ENTPD8: variants seen among roughly 807,000 people sequenced by gnomAD.
ENTPD8 encodes E-NTPDase 8.
In ENTPD8, 35 loss-of-function variants were observed where a neutral mutation model predicts 47.0. The observed-to-expected ratio is 0.75, with a 90% CI of 0.57 to 0.99. The LOEUF (loss-of-function observed/expected upper bound fraction) is 0.99. Among genes scored for constraint, ENTPD8 ranks in the 50% least tolerant of loss-of-function variants. The pLI is 0.00. For synonymous variants in ENTPD8, 308 were observed against 290.5 expected (o/e 1.06, Z -0.61); for missense variants, 668 against 649.9 (o/e 1.03, Z -0.30).
chr9:137,438,308 GT>G lies in ENTPD8; in HGVS notation c.-20-4del, dbSNP rs1160708995. On this transcript the variant is annotated splice_region_variant and splice_polypyrimidine_tract_variant and intron_variant, in intron 1 of 9. Transcript: ENST00000371506. The surrounding 1 kb of genome is among the most constrained non-coding windows in gnomAD (Gnocchi z 5.7). ...CATGGTGCAGGTGGTACTGGTTCCT[GT>G]GGGGGGACGGCCGTGGGCACCCAGG... 3 of 1,529,654 alleles carry G rather than the reference GT, an allele frequency of 2.0e-6. No homozygotes were observed. The highest frequency in any genetic ancestry group is 2.3e-5 in the East Asian group (1 of 42,840). The allele number at this position is 1,529,654 out of a possible 1,614,324, so 94.8% of individuals were successfully genotyped here.
chr9:137,438,270 TCCGGGA>T lies in ENTPD8; in HGVS notation c.10_15del (p.Ser4_Arg5del). The T allele has an allele frequency of 6.3e-7, 1 of 1,589,240 alleles. No homozygotes were observed. The highest frequency in any genetic ancestry group is 8.6e-7 in the Non-Finnish European group (1 of 1,168,118). Reference sequence around the variant, plus strand: ...AGCAGGGCCAAGAAGACCTGCTCCTTCCGGGACAGCCCCATGGTGCAGGTGGTACTG... The same window carrying T: ...AGCAGGGCCAAGAAGACCTGCTCCTTCAGCCCCATGGTGCAGGTGGTACTG... On this transcript the variant is annotated inframe_deletion, in exon 2 of 10. Coordinates refer to ENST00000371506, the MANE Select transcript of ENTPD8 (RefSeq NM_001033113.2). The surrounding 1 kb of genome is among the most constrained non-coding windows in gnomAD (Gnocchi z 5.7).
In ENTPD8 at chr9:137,435,722, T is replaced by C; in HGVS notation, c.1158A>G (p.Lys386=). The C allele has an allele frequency of 6.2e-7, 1 of 1,612,236 alleles. No homozygotes were observed. The highest frequency in any genetic ancestry group is 8.5e-7 in the Non-Finnish European group (1 of 1,179,248). ...AGGGAGCCCAGGGCCCACCCACCAG[T>C]TTCCAGGGCCTCTGGCAAAACTCCC... The part of the protein sequence containing the change: ...TIWEFCQRPW[K]LVEASYPGQD... Residue 386 remains lysine, a synonymous_variant, in exon 8 of 10, where the codon AAA becomes AAG. Coordinates refer to ENST00000371506, the MANE Select transcript of ENTPD8 (RefSeq NM_001033113.2).
chr9:137,437,050 C>T (rs1422688819), intron 4 of ENTPD8, 22 bp from the exon 5 acceptor site: 1 of 1,607,344 alleles, frequency 6.2e-7, no homozygotes, highest in Non-Finnish European at 8.5e-7. Flanking sequence ...GGACCAGGGG[C>T]TGGAGCTGGC....
Position 137,434,570 on chromosome 9 carries a change from G to A in ENTPD8, c.*344C>T, listed in dbSNP as rs1839281782. On this transcript the variant is annotated 3_prime_UTR_variant, in exon 10 of 10. Coordinates refer to ENST00000371506, the MANE Select transcript of ENTPD8 (RefSeq NM_001033113.2). ...CGCCCCTCCTGAGGCCCCATCAGGA[G>A]CAGGACCCCTGTGCCTCCGTGGTCT... 1.6e-6 allele frequency: 1 copy of A among 618,594 alleles called. No individual in the cohort carries two copies. 38.3% of individuals were successfully genotyped at this position (618,594 alleles called of 1,614,324 possible).
Position 137,434,622 on chromosome 9 carries a change from C to A in ENTPD8, c.*292G>T. Reference sequence around the variant, plus strand: ...GCCCTGTTTGCAGGCAGCATGTGGCCCTGCAGTCACACAGCCTGGAGACAC... The same window carrying A: ...GCCCTGTTTGCAGGCAGCATGTGGCACTGCAGTCACACAGCCTGGAGACAC... On this transcript the variant is annotated 3_prime_UTR_variant, in exon 10 of 10. Coordinates refer to ENST00000371506, the MANE Select transcript of ENTPD8 (RefSeq NM_001033113.2). 1 of 586,950 alleles carries A rather than the reference C, an allele frequency of 1.7e-6. No individual in the cohort carries two copies. Among genetic ancestry groups the A allele is most frequent in the Non-Finnish European group, 2.9e-6 (1 of 340,234 alleles). The allele number at this position is 586,950 out of a possible 1,614,324, so 36.4% of individuals were successfully genotyped here.
Position 137,435,229 on chromosome 9 carries a change from C to G in ENTPD8, c.1271G>C (p.Trp424Ser). 1.2e-6 allele frequency: 2 copies of G among 1,612,032 alleles called. No homozygotes were observed. Among genetic ancestry groups the G allele is most frequent in the Non-Finnish European group, 1.7e-6 (2 of 1,179,788 alleles). The change falls in exon 9 of 10, where the codon TGG becomes TCG. Residue 424 changes from tryptophan to serine, a missense_variant. Transcript: ENST00000371506. ...HEGYGFSEET[W>S]PSLEFRKQAG... ...CTGCTTTCGGAACTCGAGGCTGGGC[C>G]AGGTCTCCTCGCTGAACCCGTAGCC...
At position 137,434,904 on chromosome 9, in the gene ENTPD8, C is replaced by A. The variant is rs201797343; in HGVS notation, c.*10G>T. 2.6e-5 allele frequency: 42 copies of A among 1,600,836 alleles called. No individual in the cohort carries two copies. In the East Asian group the frequency reaches 9.0e-4, roughly 34 times the overall value. On this transcript the variant is annotated 3_prime_UTR_variant, in exon 10 of 10. Transcript: ENST00000371506. ...TGTGGGCTCTGTGGGGGCCCACCTC[C>A]GCCTTCCCACTAGTCCTGCAACCAG...
rs755473161 is a variant in ENTPD8 at position 137,435,767 on chromosome 9, G to A, written c.1113C>T (p.Ser371=). ...FLNLTSRQPL[S]TVNATIWEFC... ...ACTCCCAGATGGTGGCGTTGACCGT[G>A]CTCAGGGGCTGCCTGGAGGTGAGGT... The change falls in exon 8 of 10, where the codon AGC becomes AGT. Residue 371 remains serine, a synonymous_variant. Coordinates refer to ENST00000371506, the MANE Select transcript of ENTPD8 (RefSeq NM_001033113.2). The A allele has an allele frequency of 2.5e-6, 4 of 1,613,602 alleles. No individual in the cohort carries two copies. The South Asian group carries it at 4.4e-5, about 18-fold the overall frequency.
intron 8 of ENTPD8, 126 bp from the exon 9 acceptor site, chr9:137,435,464 G>A (rs1839317841): frequency 7.0e-7 from 1 of 1,432,344 alleles, no homozygotes; most frequent in South Asian, 1.4e-5. Context: ...GTGGTAGAGA[G>A]CCCCTCCCTG....
rs555978504 is a variant in ENTPD8 at position 137,436,607 on chromosome 9, C to G, written c.700G>C (p.Gly234Arg). Residue 234 changes from glycine (G) to arginine (R), a missense_variant, in exon 6 of 10, where the codon GGC (glycine) becomes CGC (arginine). By Grantham distance (125) the Gly-to-Arg change is moderately radical. Transcript: ENST00000371506. The part of the protein sequence containing the change: ...KSTQADFRLY[G>R]SDYSVYTHSY... ...TGAGTGTAGACGCTGTAGTCGGAGC[C>G]GTAGAGGCGAAAATCGGCCTGGGTG... The G allele has an allele frequency of 6.2e-7, 1 of 1,611,116 alleles. No homozygotes were observed. Among genetic ancestry groups the G allele is most frequent in the South Asian group, 1.1e-5 (1 of 90,698 alleles).
chr9:137,435,954 G>C (rs1839337248), intron 7 of ENTPD8, 59 bp downstream of exon 7: 1 of 1,604,102 alleles, frequency 6.2e-7, no homozygotes, highest in South Asian at 1.1e-5. Flanking sequence ...GAGTCAGACA[G>C]GCACCTGAGG....
At chr9:137,437,849 C>T (rs954138556) in intron 3 of ENTPD8, 118 bp downstream of exon 3, 38 of 913,562 alleles carry the variant, frequency 4.2e-5, no homozygotes, top group Middle Eastern at 3.3e-4. Context: ...CACCCATGCC[C>T]GGCGTGTGAG....
Position 137,436,559 on chromosome 9 carries a change from C to A in ENTPD8, c.748G>T (p.Asp250Tyr), listed in dbSNP as rs1311529563. 4 of 1,611,560 alleles carry A rather than the reference C, an allele frequency of 2.5e-6. No individual in the cohort carries two copies. The highest frequency in any genetic ancestry group is 2.5e-6 in the Non-Finnish European group (3 of 1,179,656). ...YTHSYLCFGR[D>Y]QMLSRLLVGL... ...ACGAGGAGCCTGCTCAGCATCTGGT[C>A]CCGTCCAAAGCACAGGTAGCTGTGA... is the stretch of plus-strand genomic sequence containing the variant. Residue 250 changes from aspartate to tyrosine, a missense_variant, in exon 6 of 10, where the codon GAC (aspartate) becomes TAC (tyrosine). Transcript: ENST00000371506.
At position 137,441,330 on chromosome 9, in the gene ENTPD8, G is replaced by A; in HGVS notation, c.-65C>T. On this transcript the variant is annotated 5_prime_UTR_variant, in exon 1 of 10. Transcript: ENST00000371506. ...CCCGGAGCGGCAAGGAGGAAGCTGT[G>A]CTTAGACGCTTCTGTGTCCGCGCAC... 4.0e-6 allele frequency: 1 copy of A among 248,792 alleles called. No homozygotes were observed. Among genetic ancestry groups the A allele is most frequent in the South Asian group, 3.7e-5 (1 of 27,252 alleles). 15.4% of individuals were successfully genotyped at this position (248,792 alleles called of 1,614,324 possible).
In ENTPD8 at chr9:137,435,321, A is replaced by T; in HGVS notation, c.1179T>A (p.Pro393=). The T allele has an allele frequency of 6.2e-7, 1 of 1,611,130 alleles. No homozygotes were observed. The highest frequency in any genetic ancestry group is 8.5e-7 in the Non-Finnish European group (1 of 1,179,250). Residue 393 remains proline, a synonymous_variant, in exon 9 of 10, where the codon CCT becomes CCA. Transcript: ENST00000371506. ...RPWKLVEASY[P]GQDRWLRDYC... is the part of the protein sequence containing the mutation. ...AGTCCCGCAGCCAGCGGTCCTGCCCAGGGTAGCTGGCCTCCACCTGGGGCC... is the reference window on the plus strand; with the variant it reads ...AGTCCCGCAGCCAGCGGTCCTGCCCTGGGTAGCTGGCCTCCACCTGGGGCC...
chr9:137,441,353 C>T lies in ENTPD8; in HGVS notation c.-88G>A, dbSNP rs1212371731. 2 of 225,490 alleles carry T rather than the reference C, an allele frequency of 8.9e-6. No individual in the cohort carries two copies. Among genetic ancestry groups the T allele is most frequent in the African/African-American group, 2.3e-5 (1 of 42,968 alleles). 14.0% of individuals were successfully genotyped at this position (225,490 alleles called of 1,614,324 possible). On this transcript the variant is annotated 5_prime_UTR_variant, in exon 1 of 10. Transcript: ENST00000371506. Reference sequence around the variant, plus strand: ...GTGCTTAGACGCTTCTGTGTCCGCGCACCTGGCGTCCAGCCTCTCCCTGCC... The same window carrying T: ...GTGCTTAGACGCTTCTGTGTCCGCGTACCTGGCGTCCAGCCTCTCCCTGCC...
At chr9:137,437,945 G>A in intron 3 of ENTPD8, 22 bp downstream of exon 3, 1 of 1,594,350 alleles carries the variant, frequency 6.3e-7, no homozygotes, top group Non-Finnish European at 8.6e-7. Flanking sequence ...CCCAGCACCG[G>A]GCTGCAGAAC....
At chr9:137,435,912 A>T in intron 7 of ENTPD8, 83 bp from the exon 8 acceptor site, 1 of 1,604,196 alleles carries the variant, frequency 6.2e-7, no homozygotes, top group East Asian at 2.2e-5. Context: ...AGAGCCCCTA[A>T]GAGCCAGCCT....
At chr9:137,439,879 C>T (rs369289364) in intron 1 of ENTPD8, among the ~76,000 whole-genome samples, 6 of 147,902 alleles carry the variant, frequency 4.1e-5, no homozygotes, top group Admixed American at 3.3e-4. Context: ...ACCAGGAAAG[C>T]GCCCCCCAGA....
Sources: gnomAD v4.1 joint callset for allele counts (sites outside exome capture counted in the v4.1 genomes callset) on GRCh38, gnomAD v4.1.1 for gene constraint, Gnocchi (gnomAD v3.1) non-coding constraint, MANE v1.5 for transcripts, NCBI Gene and HGNC (gene_info 2026-07-23, HGNC 2026-07-21) for gene names.